SLC4A9: variants seen among roughly 807,000 people sequenced by gnomAD.
SLC4A9 encodes the protein solute carrier family 4 member 9, also known as anion exchange protein 4.
In SLC4A9, 102 loss-of-function variants were observed where a neutral mutation model predicts 103.2. The ratio of observed to expected loss-of-function variants is 0.99; its 90% confidence interval spans 0.84 to 1.17. The LOEUF (loss-of-function observed/expected upper bound fraction) is 1.17, where lower values mean the gene tolerates loss of function less well. Ranked by LOEUF, SLC4A9 falls within the 50% of genes most tolerant of loss-of-function variation. The pLI, the probability that SLC4A9 is intolerant of heterozygous loss-of-function variation, is 0.00. For synonymous variants in SLC4A9, 453 were observed against 483.6 expected, an observed-to-expected ratio of 0.94 and a Z score of 0.83; for missense variants, 1,091 against 1,193.7, an observed-to-expected ratio of 0.91 and a Z score of 1.27.
At position 140,361,235 on chromosome 5, in the gene SLC4A9, C is replaced by T. The variant is rs1408347605; in HGVS notation, c.392-19C>T. 2 of 1,543,208 alleles carry T rather than the reference C, an allele frequency of 1.3e-6. No individual in the cohort carries two copies. The highest frequency in any genetic ancestry group is 2.4e-5 in the East Asian group (1 of 41,076). ...CAGGGAACTCTCAGGAAGGAGATGA[C>T]CCCCAATCCATTCTCCAGAGCAGGT... is the stretch of plus-strand genomic sequence containing the variant. On this transcript the variant is annotated intron_variant, in intron 2 of 21. Coordinates refer to ENST00000506757, the MANE Select transcript of SLC4A9 (RefSeq NM_031467.3).
Position 140,362,027 on chromosome 5 carries a change from C to T in SLC4A9, c.572C>T (p.Pro191Leu), listed in dbSNP as rs368680636. The T allele has an allele frequency of 7.8e-5, 126 of 1,610,964 alleles. 1 individual carries two copies. The highest frequency in any genetic ancestry group is 1.6e-4 in the Middle Eastern group (1 of 6,068). ...EAPLREQCQN[P>L]LRQKLPPGAE... ...TGAACCCCCATCCAGTGTCAGAACCCCCTGAGACAGAAGCTACCTCCAGGA... is the reference window on the plus strand; with the variant it reads ...TGAACCCCCATCCAGTGTCAGAACCTCCTGAGACAGAAGCTACCTCCAGGA... The change falls in exon 5 of 22, where the codon CCC (proline) becomes CTC (leucine). Residue 191 changes from proline to leucine, a missense_variant. Pro to Leu is a moderately conservative substitution (Grantham distance 98). Coordinates refer to ENST00000506757, the MANE Select transcript of SLC4A9 (RefSeq NM_031467.3).
rs1033269292 is a variant in SLC4A9 at position 140,364,034 on chromosome 5, G to A, written c.1255-20G>A. ...CCCGAGGACTTCAGGGTCCTGTGCT[G>A]AGCCCCTGTTGGCTTCCAGGGAGTG... On this transcript the variant is annotated intron_variant, in intron 9 of 21. Coordinates refer to ENST00000506757, the MANE Select transcript of SLC4A9 (RefSeq NM_031467.3). 1 of 1,525,510 alleles carries A rather than the reference G, an allele frequency of 6.6e-7. No homozygotes were observed. The highest frequency in any genetic ancestry group is 8.8e-7 in the Non-Finnish European group (1 of 1,136,988). The allele number at this position is 1,525,510 out of a possible 1,614,324, so 94.5% of individuals were successfully genotyped here. A position where few individuals can be genotyped will look rare whatever the true frequency, so the allele number is the denominator to read the frequency against.
chr5:140,367,227 C>T (rs938117918), intron 14 of SLC4A9, among the ~76,000 whole-genome samples, 193 bp from the exon 15 acceptor site: 1 of 152,220 alleles, frequency 6.6e-6, no homozygotes, highest in Non-Finnish European at 1.5e-5. Flanking sequence ...AGCCTGACCT[C>T]AGGGCTGGTC....
intron 2 of SLC4A9, 66 bp downstream of exon 2, chr5:140,361,038 A>G (rs1221334040): frequency 6.3e-6 from 9 of 1,429,874 alleles, no homozygotes; most frequent in East Asian, 5.0e-5. Flanking sequence ...TTTCCCCTCC[A>G]AAGTCTTGAA....
At chr5:140,362,797 T>C in intron 6 of SLC4A9, 115 bp from the exon 7 acceptor site, 1 of 1,313,604 alleles carries the variant, frequency 7.6e-7, no homozygotes, top group South Asian at 1.2e-5. Context: ...CATAAAGGAA[T>C]GTGTGAATGA....
intron 20 of SLC4A9, 72 bp downstream of exon 20, chr5:140,372,469 C>G: frequency 6.4e-7 from 1 of 1,573,626 alleles, no homozygotes; most frequent in East Asian, 2.3e-5. Flanking sequence ...CAGGAGCTGT[C>G]CCTAAATAAT....
Position 140,364,196 on chromosome 5 carries a change from G to T in SLC4A9, c.1388+9G>T, listed in dbSNP as rs927752816. ...CTCTTCTCTTTCAGCAGGTAGGAGA[G>T]CTCCCCCCATCACCGGACCCTCACT... On this transcript the variant is annotated intron_variant, in intron 10 of 21. Coordinates refer to ENST00000506757, the MANE Select transcript of SLC4A9 (RefSeq NM_031467.3). 19 of 1,563,900 alleles carry T rather than the reference G, an allele frequency of 1.2e-5. No homozygotes were observed. The highest frequency in any genetic ancestry group is 1.6e-5 in the Non-Finnish European group (19 of 1,154,212).
Position 140,367,563 on chromosome 5 carries a change from C to G in SLC4A9, c.2157C>G (p.Arg719=). 1 of 1,603,756 alleles carries G rather than the reference C, an allele frequency of 6.2e-7. No individual in the cohort carries two copies. Among genetic ancestry groups the G allele is most frequent in the African/African-American group, 1.3e-5 (1 of 74,736 alleles). Residue 719 remains arginine (R), a synonymous_variant, in exon 15 of 22, where the codon CGC becomes CGG. Coordinates refer to ENST00000506757, the MANE Select transcript of SLC4A9 (RefSeq NM_031467.3). ...AGATCACAGCAGTCATCCTCAACCG[C>G]ATGGAATACAGACTGCAGGTAAGGC... ...DQQITAVILN[R]MEYRLQKGAG... is the part of the protein sequence containing the mutation.
Position 140,371,067 on chromosome 5 carries a change from T to C in SLC4A9, c.2428-28T>C, listed in dbSNP as rs186545263. ...TCTGGGAGGTTGGCAGAGGTAAACT[T>C]TGATAACTCTCTGCTTCTTTCTACC... is the stretch of plus-strand genomic sequence containing the variant. On this transcript the variant is annotated intron_variant, in intron 17 of 21. Coordinates refer to ENST00000506757, the MANE Select transcript of SLC4A9 (RefSeq NM_031467.3). 6.3e-6 allele frequency: 10 copies of C among 1,598,172 alleles called. No homozygotes were observed. In the African/African-American group the frequency reaches 1.2e-4, roughly 19 times the overall value.
In SLC4A9 at chr5:140,368,626, A is replaced by G. The variant is rs1768254630; in HGVS notation, c.2394A>G (p.Thr798=). 9 of 1,613,526 alleles carry G rather than the reference A, an allele frequency of 5.6e-6. No individual in the cohort carries two copies. Among genetic ancestry groups the G allele is most frequent in the Middle Eastern group, 1.7e-4 (1 of 5,856 alleles). ...CAGGCCTGGTGGTGTTCATCCTTAC[A>G]GGAGCCTCCATCTTCCTGGCACCTG... ...RLTGLVVFIL[T]GASIFLAPVL... Residue 798 remains threonine, a synonymous_variant, in exon 17 of 22, where the codon ACA becomes ACG. Transcript: ENST00000506757.
Position 140,365,563 on chromosome 5 carries a change from C to A in SLC4A9, c.1695C>A (p.Asp565Glu). 2 of 1,612,092 alleles carry A rather than the reference C, an allele frequency of 1.2e-6. No individual in the cohort carries two copies. The highest frequency in any genetic ancestry group is 1.7e-6 in the Non-Finnish European group (2 of 1,179,088). ...QWIRTRPKDR[D>E]DIVSMDLGLI... ...TAAGGACAAGGCCAAAAGACAGAGA[C>A]GACATTGTAAGCATGGTGAGGGACT... The change falls in exon 12 of 22, where the codon GAC becomes GAA. Residue 565 changes from aspartate (D) to glutamate (E), a missense_variant. Transcript: ENST00000506757.
chr5:140,364,055 G>A lies in SLC4A9; in HGVS notation c.1256G>A (p.Gly419Glu). ...LLGDATDGAQ[G>E]VLESFLGTAV... ...TGCTGAGCCCCTGTTGGCTTCCAGG[G>A]AGTGCTGGAAAGTTTCCTGGGCACA... The change falls in exon 10 of 22, where the codon GGA becomes GAA. Residue 419 changes from glycine (G) to glutamate (E), a missense_variant and splice_region_variant. Coordinates refer to ENST00000506757, the MANE Select transcript of SLC4A9 (RefSeq NM_031467.3). 1 of 1,535,970 alleles carries A rather than the reference G, an allele frequency of 6.5e-7. No homozygotes were observed. The highest frequency in any genetic ancestry group is 8.7e-7 in the Non-Finnish European group (1 of 1,143,944).
At chr5:140,371,944 G>A (rs1332539030) in intron 19 of SLC4A9, among the ~76,000 whole-genome samples, 1 of 152,194 alleles carries the variant, frequency 6.6e-6, no homozygotes, top group African/African-American at 2.4e-5. Context: ...GATAACATAG[G>A]TGGCTTCTGG....
chr5:140,366,551 C>T (rs993615394), intron 14 of SLC4A9, among the ~76,000 whole-genome samples: 14 of 152,100 alleles, frequency 9.2e-5, no homozygotes, highest in Admixed American at 2.6e-4. Context: ...CTTCCACTTC[C>T]CAGCTATGCA....
rs575364023 is a variant in SLC4A9 at position 140,367,787 on chromosome 5, G to C, written c.2243G>C (p.Gly748Ala). The part of the protein sequence containing the change: ...AVLMLLTSAL[G>A]LPWYVSATVI... ...CTGATGCTACTCACATCAGCGCTTG[G>C]ACTGCCTTGGTATGTCTCAGCCACT... Residue 748 changes from glycine to alanine, a missense_variant, in exon 16 of 22, where the codon GGA (glycine) becomes GCA (alanine). By Grantham distance (60) the Gly-to-Ala change is moderately conservative. Transcript: ENST00000506757. The C allele has an allele frequency of 6.2e-7, 1 of 1,613,954 alleles. No homozygotes were observed. The highest frequency in any genetic ancestry group is 1.1e-5 in the South Asian group (1 of 91,074).
Position 140,364,664 on chromosome 5 carries a change from G to A in SLC4A9, c.1651+39G>A, listed in dbSNP as rs558343097. 111 of 1,579,844 alleles carry A rather than the reference G, an allele frequency of 7.0e-5. 1 individual carries two copies. The South Asian group carries it at 1.2e-3, about 16-fold the overall frequency. On this transcript the variant is annotated intron_variant, in intron 11 of 21. Transcript: ENST00000506757. The stretch of plus-strand genomic sequence containing the variant: ...ACAGGGACCTTGGTCAGGTGAAGAA[G>A]GATGTAGGGAAGGGGAGGGGCTGCA...
chr5:140,365,900 C>T lies in SLC4A9; in HGVS notation c.1777C>T (p.Arg593Cys), dbSNP rs769781263. The change falls in exon 13 of 22, where the codon CGT becomes TGT. Residue 593 changes from arginine (R) to cysteine (C), a missense_variant. Physicochemically the swap from Arg to Cys is radical, Grantham distance 180. Coordinates refer to ENST00000506757, the MANE Select transcript of SLC4A9 (RefSeq NM_031467.3). ...GTGCACCCGGCAGGGAGGCCACCCT[C>T]GTGGCCCTGGCTGTCATACAGTCCC... ...PECTRQGGHP[R>C]GPGCHTVPDI... is the part of the protein sequence containing the mutation. The T allele has an allele frequency of 2.6e-5, 42 of 1,613,894 alleles. No individual in the cohort carries two copies. Among genetic ancestry groups the T allele is most frequent in the Admixed American group, 1.5e-4 (9 of 60,008 alleles).
chr5:140,371,580 TG>T lies in SLC4A9; in HGVS notation c.2628del (p.Trp876Ter), dbSNP rs1400221022. ...AIQLACLGLLWIIKSTPAAII... is the reference protein window; with the variant it reads ...AIQLACLGLLXIIKSTPAAII... ...CCAGCTTGCCTGTCTGGGGCTGCTTTGGATAATCAAGTCTACCCCTGCAGCC... is the reference window on the plus strand; with the variant it reads ...CCAGCTTGCCTGTCTGGGGCTGCTTTGATAATCAAGTCTACCCCTGCAGCC... On this transcript the variant is annotated frameshift_variant, in exon 19 of 22. Transcript: ENST00000506757. LOFTEE classifies it high-confidence loss of function. The T allele has an allele frequency of 6.2e-7, 1 of 1,614,056 alleles. No individual in the cohort carries two copies. Among genetic ancestry groups the T allele is most frequent in the Admixed American group, 1.7e-5 (1 of 60,028 alleles).
chr5:140,374,765 A>C (rs746237679), intron 21 of SLC4A9, 62 bp from the exon 22 acceptor site: 1 of 152,142 alleles, frequency 6.6e-6, no homozygotes, highest in Non-Finnish European at 1.5e-5. Flanking sequence ...CATGTCTTCT[A>C]TTAGTTCACA....
Sources: allele counts gnomAD v4.1 joint callset (sites outside exome capture counted in the v4.1 genomes callset), GRCh38; gene constraint gnomAD v4.1.1; transcripts MANE v1.5; gene names NCBI Gene and HGNC (gene_info 2026-07-23, HGNC 2026-07-21).